Variants in CCPG1 observed in about 807,000 individuals in gnomAD.
CCPG1 encodes cell cycle progression 1, also known as cell cycle progression protein 1.
A neutral mutation model predicts 81.3 loss-of-function variants in CCPG1; 46 were observed. That is an observed-to-expected ratio of 0.57 (90% confidence interval 0.45 to 0.72). The LOEUF (loss-of-function observed/expected upper bound fraction) is 0.72, where lower values mean the gene tolerates loss of function less well. Among genes scored for constraint, CCPG1 ranks in the 30% least tolerant of loss-of-function variants. The pLI is 0.00. For synonymous variants in CCPG1, 330 were observed against 305.2 expected (o/e 1.08, Z -0.85); for missense variants, 902 against 937.6 (o/e 0.96, Z 0.50).
chr15:55,403,405 TA>T (rs34854989), intron 1 of CCPG1, among the ~76,000 whole-genome samples: 247 of 143,476 alleles, frequency 1.7e-3, no homozygotes, highest in Non-Finnish European at 1.6e-3. Context: ...GATAAGTACT[TA>T]AAAAAAAAAA....
In CCPG1 at chr15:55,389,390, C is replaced by A; in HGVS notation, c.35G>T (p.Cys12Phe). ...SENSSDSDSS[C>F]GWTVISHEGS... is the part of the protein sequence containing the mutation. ...CTCATGACTGATGACAGTCCAACCACAAGATGAATCACTGTCACTGGAATT... is the reference window on the plus strand; with the variant it reads ...CTCATGACTGATGACAGTCCAACCAAAAGATGAATCACTGTCACTGGAATT... The change falls in exon 2 of 9, where the codon TGT becomes TTT. Residue 12 changes from cysteine to phenylalanine, a missense_variant. Physicochemically the swap from Cys to Phe is radical, Grantham distance 205 (BLOSUM62 -2). Around this residue, in one of 3 missense-constraint regions of CCPG1, gnomAD observed 28 missense variants for 47.8 expected, o/e 0.59. Coordinates refer to ENST00000442196, the MANE Select transcript of CCPG1 (RefSeq NM_001204450.2). The A allele has an allele frequency of 6.2e-7, 1 of 1,611,430 alleles. No individual in the cohort carries two copies. The highest frequency in any genetic ancestry group is 1.7e-4 in the Middle Eastern group (1 of 6,030).
intron 1 of CCPG1, among the ~76,000 whole-genome samples, chr15:55,392,710 T>A (rs946138175): frequency 6.6e-6 from 1 of 151,950 alleles, no homozygotes; most frequent in Non-Finnish European, 1.5e-5. Context: ...AAAGACAGGG[T>A]TTTGCCATGT....
At chr15:55,374,183 G>C in intron 5 of CCPG1, 1 of 1,289,064 alleles carries the variant, frequency 7.8e-7, no homozygotes, top group Non-Finnish European at 1.0e-6. Context: ...TAGGAACATG[G>C]TGTTTCAGCT....
intron 7 of CCPG1, among the ~76,000 whole-genome samples, chr15:55,363,799 C>CTTTTTTTTTTTTTTTTTTTTT (rs565044184): frequency 2.1e-5 from 2 of 93,942 alleles, no homozygotes; most frequent in Non-Finnish European, 3.9e-5. Context: ...TTTCCTTTTC[C>CTTTTTTTTTTTTTTTTTTTTT]TTTTTTTTTT....
chr15:55,378,289 T>C lies in CCPG1; in HGVS notation c.252+11A>G, dbSNP rs752437803. The C allele has an allele frequency of 1.3e-5, 20 of 1,555,624 alleles. No individual in the cohort carries two copies. Among genetic ancestry groups the C allele is most frequent in the East Asian group, 2.2e-5 (1 of 44,490 alleles). ...TTTAACATATATCCACAGTGTAAAA[T>C]ACAAGTTTACCTCAATTGTTGAGCT... On this transcript the variant is annotated intron_variant, in intron 4 of 8. Coordinates refer to ENST00000442196, the MANE Select transcript of CCPG1 (RefSeq NM_001204450.2).
intron 1 of CCPG1, among the ~76,000 whole-genome samples, chr15:55,395,277 C>T (rs547229936): frequency 2.7e-5 from 4 of 149,826 alleles, no homozygotes; most frequent in East Asian, 3.9e-4. Context: ...AAATGTTGGG[C>T]GTGTACTACA....
intron 8 of CCPG1, chr15:55,357,271 C>A: frequency 1.0e-6 from 1 of 972,274 alleles, no homozygotes; most frequent in Non-Finnish European, 1.2e-6. Flanking sequence ...CTAGAAGTCA[C>A]TGTTACTTTC....
intron 1 of CCPG1, among the ~76,000 whole-genome samples, chr15:55,393,349 A>C (rs974795551): frequency 1.3e-5 from 2 of 152,076 alleles, no homozygotes; most frequent in Admixed American, 1.3e-4. Context: ...CCGAGGCAGG[A>C]GGATCATTTG....
chr15:55,399,138 GAA>G (rs1053202204), intron 1 of CCPG1, among the ~76,000 whole-genome samples: 1 of 152,074 alleles, frequency 6.6e-6, no homozygotes, highest in Non-Finnish European at 1.5e-5. Context: ...GTGCCATGGA[GAA>G]AAAAGTGAGG....
At chr15:55,373,001 A>G (rs760615166) in intron 5 of CCPG1, 20 of 534,574 alleles carry the variant, frequency 3.7e-5, no homozygotes, top group Non-Finnish European at 1.5e-5. Context: ...CCTCTAGTAA[A>G]TATGTCAGCA....
intron 8 of CCPG1, chr15:55,359,168 T>C: frequency 1.0e-6 from 1 of 979,584 alleles, no homozygotes; most frequent in Non-Finnish European, 1.2e-6. Flanking sequence ...ATTCCTAGCT[T>C]CCAAAAGTGA....
At chr15:55,393,274 CA>C (rs894815424) in intron 1 of CCPG1, among the ~76,000 whole-genome samples, 3 of 151,980 alleles carry the variant, frequency 2.0e-5, no homozygotes, top group South Asian at 2.1e-4. Context: ...CCATCTCTAC[CA>C]AAAAAAATTT....
At chr15:55,403,163 A>G (rs937156200) in intron 1 of CCPG1, among the ~76,000 whole-genome samples, 3 of 152,212 alleles carry the variant, frequency 2.0e-5, no homozygotes, top group Non-Finnish European at 2.9e-5. Context: ...CACCACTTAC[A>G]AAGCAATTTC....
chr15:55,365,432 G>GTTTTTTTTTTTTTTTTTTTTTTTTGT (rs372770816), intron 6 of CCPG1, 123 bp from the exon 7 acceptor site: 4 of 300,208 alleles, frequency 1.3e-5, no homozygotes, highest in African/African-American at 3.5e-5. Context: ...TTTTTTTTTT[G>GTTTTTTTTTTTTTTTTTTTTTTTTGT]TTTTTTTTTT....
chr15:55,402,400 G>GT (rs1385920008), intron 1 of CCPG1, among the ~76,000 whole-genome samples: 15 of 152,060 alleles, frequency 9.9e-5, no homozygotes, highest in Non-Finnish European at 1.5e-4. Context: ...GCTAATTTTT[G>GT]TATTTTTAGT....
chr15:55,360,365 C>G lies in CCPG1; in HGVS notation c.1408G>C (p.Gly470Arg). ...GKQGTDGKKK[G>R]GRGSHRAKNK... ...TTAGCCCTGTGGCTTCCTCTGCCCC[C>G]TTTCTTTTTTCCATCTGTTCCTTGT... Residue 470 changes from glycine to arginine, a missense_variant, in exon 8 of 9, where the codon GGG becomes CGG. Physicochemically the swap from Gly to Arg is moderately radical, Grantham distance 125 (BLOSUM62 -2). Coordinates refer to ENST00000442196, the MANE Select transcript of CCPG1 (RefSeq NM_001204450.2). 1 of 1,613,898 alleles carries G rather than the reference C, an allele frequency of 6.2e-7. No individual in the cohort carries two copies. Among genetic ancestry groups the G allele is most frequent in the Non-Finnish European group, 8.5e-7 (1 of 1,180,026 alleles).
At chr15:55,392,770 G>C (rs1025963674) in intron 1 of CCPG1, among the ~76,000 whole-genome samples, 1 of 152,222 alleles carries the variant, frequency 6.6e-6, no homozygotes, top group African/African-American at 2.4e-5. Context: ...ACCTTTCTTG[G>C]CCTCTCAAAG....
chr15:55,359,155 C>A lies in CCPG1; in HGVS notation c.2234+384G>T, dbSNP rs954244384. On this transcript the variant is annotated intron_variant, in intron 8 of 8. Transcript: ENST00000442196. ...TGACTTCAGAGTAAAATTTGTGTTG[C>A]TCATTCCTAGCTTCCAAAAGTGAAT... The A allele has an allele frequency of 1.0e-5, 10 of 978,474 alleles. 1 individual carries two copies. In the Admixed American group the frequency reaches 2.4e-4, roughly 24 times the overall value. The allele number at this position is 978,474 out of a possible 1,614,324, so 60.6% of individuals were successfully genotyped here.
intron 7 of CCPG1, among the ~76,000 whole-genome samples, chr15:55,364,245 G>A (rs1427009578): frequency 1.3e-5 from 2 of 150,554 alleles, no homozygotes; most frequent in South Asian, 2.2e-4. Flanking sequence ...GTACAGTCCT[G>A]TGAGACGAGA....
Sources: gnomAD v4.1 joint callset for allele counts (sites outside exome capture counted in the v4.1 genomes callset) on GRCh38, gnomAD v4.1.1 for gene constraint, gnomAD v4.1.1 regional missense constraint, MANE v1.5 for transcripts, NCBI Gene and HGNC (gene_info 2026-07-23, HGNC 2026-07-21) for gene names.